Variants in EML1 observed in about 807,000 individuals in gnomAD.
EML1 encodes echinoderm microtubule-associated protein-like 1.
EML1 carries 27 observed loss-of-function variants against 110.4 expected under a neutral mutation model. The observed-to-expected ratio is 0.24, with a 90% CI of 0.18 to 0.34. The LOEUF is 0.34. Ranked by LOEUF, EML1 falls within the 10% of genes least tolerant of loss-of-function variation. EML1 has a pLI of 1.00. For synonymous variants in EML1, 344 were observed against 385.8 expected, an observed-to-expected ratio of 0.89 and a Z score of 1.27; for missense variants, 741 against 1,030.9, an observed-to-expected ratio of 0.72 and a Z score of 3.85.
intron 1 of EML1, among the ~76,000 whole-genome samples, chr14:99,828,872 GTCA>G (rs2058402894): frequency 6.6e-6 from 1 of 152,198 alleles, no homozygotes; most frequent in African/African-American, 2.4e-5. Flanking sequence ...GTGGAAGCGG[GTCA>G]TCATAACGGT....
At chr14:99,855,004 A>G (rs2058878410) in intron 2 of EML1, among the ~76,000 whole-genome samples, 1 of 152,142 alleles carries the variant, frequency 6.6e-6, no homozygotes, top group African/African-American at 2.4e-5. Flanking sequence ...ACTGGATAGG[A>G]AACAATAAGG....
At chr14:99,892,094 G>A in intron 5 of EML1, 1 of 982,158 alleles carries the variant, frequency 1.0e-6, no homozygotes, top group African/African-American at 1.7e-5. Context: ...CTCCGGGGCA[G>A]GCAGGCCAGC....
At chr14:99,928,225 T>G (rs796528888) in intron 17 of EML1, among the ~76,000 whole-genome samples, 1 of 54,694 alleles carries the variant, frequency 1.8e-5, no homozygotes, top group Non-Finnish European at 4.1e-5. Flanking sequence ...ATGGTGGTGG[T>G]GGTGGTGGTG....
intron 2 of EML1, among the ~76,000 whole-genome samples, chr14:99,859,364 C>CT (rs2139859664): frequency 6.6e-6 from 1 of 152,308 alleles, no homozygotes; most frequent in African/African-American, 2.4e-5. Context: ...GGTTGCCCTT[C>CT]TCCCTTCACT....
rs529850094 is a variant in EML1 at position 99,832,847 on chromosome 14, AAGC to A, written c.68-18003_68-18001del. 1.7e-3 allele frequency among the ~76,000 whole-genome samples: 260 copies of A among 152,302 alleles called. 1 individual carries two copies. Among genetic ancestry groups the A allele is most frequent in the African/African-American group, 5.7e-3 (237 of 41,560 alleles). ...CACTCTCCTAACAGTGTCTTTTGAA[AAGC>A]AGAAGTTCTTAAATCTAATTTACCA... is the stretch of plus-strand genomic sequence containing the variant. On this transcript the variant is annotated intron_variant, in intron 1 of 21. Transcript: ENST00000262233.
intron 1 of EML1, among the ~76,000 whole-genome samples, chr14:99,812,290 T>C (rs1051554606): frequency 6.6e-6 from 1 of 151,830 alleles, no homozygotes; most frequent in African/African-American, 2.4e-5. Context: ...CCAGGCGCCA[T>C]GTGGGTGCCC....
intron 8 of EML1, among the ~76,000 whole-genome samples, chr14:99,898,751 C>CAA (rs35606709): frequency 2.8e-5 from 3 of 107,638 alleles, no homozygotes; most frequent in Non-Finnish European, 2.0e-5. Flanking sequence ...GACTAAGTCT[C>CAA]AAAAAAAAAA....
At chr14:99,855,135 T>A (rs1245692172) in intron 2 of EML1, among the ~76,000 whole-genome samples, 2 of 152,204 alleles carry the variant, frequency 1.3e-5, no homozygotes, top group African/African-American at 4.8e-5. Context: ...ACGCATTACA[T>A]TGAGTCAAAT....
intron 1 of EML1, among the ~76,000 whole-genome samples, chr14:99,812,216 CA>C (rs1365128448): frequency 6.6e-6 from 1 of 151,726 alleles, no homozygotes; most frequent in African/African-American, 2.4e-5. Context: ...GCTGGTAATT[CA>C]GGGGGTTAGG....
chr14:99,746,277 C>A (rs2057107003), intron 1 of EML1, among the ~76,000 whole-genome samples: 1 of 152,174 alleles, frequency 6.6e-6, no homozygotes, highest in Admixed American at 6.5e-5. Context: ...AGAAAAGTGG[C>A]ACTCTTTTCC....
chr14:99,837,196 A>G (rs1242870351), intron 1 of EML1, among the ~76,000 whole-genome samples: 1 of 152,178 alleles, frequency 6.6e-6, no homozygotes, highest in East Asian at 1.9e-4. Context: ...CTGGACTTAC[A>G]GCCGTGTGTC....
intron 1 of EML1, among the ~76,000 whole-genome samples, chr14:99,838,831 C>T (rs1205673507): frequency 1.3e-5 from 2 of 152,022 alleles, no homozygotes; most frequent in Non-Finnish European, 2.9e-5. Context: ...TGGGGGAAAG[C>T]TATCAACAAT....
chr14:99,758,052 A>G (rs902519552), intron 1 of EML1, among the ~76,000 whole-genome samples: 4 of 152,190 alleles, frequency 2.6e-5, no homozygotes, highest in African/African-American at 9.7e-5. Flanking sequence ...ACTGTATTTC[A>G]TCCGAACCCA....
intron 5 of EML1, chr14:99,892,202 A>G: frequency 1.0e-6 from 1 of 985,446 alleles, no homozygotes; most frequent in Non-Finnish European, 1.2e-6. Context: ...AAAGGTAGGC[A>G]GCATTTCTGA....
chr14:99,879,399 A>G (rs1165572237), intron 4 of EML1, among the ~76,000 whole-genome samples: 1 of 152,112 alleles, frequency 6.6e-6, no homozygotes, highest in Non-Finnish European at 1.5e-5. Flanking sequence ...TGTTTAGTAA[A>G]GCTGAGGAAG....
intron 1 of EML1, among the ~76,000 whole-genome samples, chr14:99,815,165 A>G (rs1201958626): frequency 7.5e-6 from 1 of 133,828 alleles, no homozygotes; most frequent in Admixed American, 7.8e-5. Context: ...TTTTTGAGAC[A>G]GAGTCTCGCT....
intron 1 of EML1, among the ~76,000 whole-genome samples, chr14:99,758,452 A>C (rs1396451612): frequency 1.3e-5 from 2 of 152,130 alleles, no homozygotes; most frequent in Non-Finnish European, 2.9e-5. Flanking sequence ...TTGCTGATGC[A>C]CCCTGATTTG....
chr14:99,914,538 C>T (rs767751779), intron 14 of EML1, 28 bp from the exon 15 acceptor site: 79 of 1,576,326 alleles, frequency 5.0e-5, no homozygotes, highest in Admixed American at 2.9e-4. Context: ...TATCTCAGAG[C>T]GCTTCTGTTT....
intron 1 of EML1, among the ~76,000 whole-genome samples, chr14:99,796,232 A>AGAGAGAGAGAGAG (rs1595292348): frequency 1.4e-4 from 14 of 101,490 alleles, no homozygotes; most frequent in African/African-American, 3.4e-4. Flanking sequence ...GAGAGAGAGA[A>AGAGAGAGAGAGAG]GATAATGTGT....
Sources: allele counts gnomAD v4.1 joint callset (sites outside exome capture counted in the v4.1 genomes callset), GRCh38; gene constraint gnomAD v4.1.1; transcripts MANE v1.5; gene names NCBI Gene and HGNC (gene_info 2026-07-23, HGNC 2026-07-21).